ERICH3: variants seen among roughly 807,000 people sequenced by gnomAD.
The protein encoded by ERICH3 is glutamate-rich protein 3.
A neutral mutation model predicts 131.1 loss-of-function variants in ERICH3; 126 were observed. The observed-to-expected ratio is 0.96, with a 90% CI of 0.83 to 1.11. The LOEUF (loss-of-function observed/expected upper bound fraction) is 1.11, where lower values mean the gene tolerates loss of function less well. Among genes scored for constraint, ERICH3 ranks in the 50% most tolerant of loss-of-function variants. The pLI, the probability that ERICH3 is intolerant of heterozygous loss-of-function variation, is 0.00. For synonymous variants in ERICH3, 695 were observed against 644.6 expected (o/e 1.08, Z -1.18); for missense variants, 2,050 against 1,810.7 (o/e 1.13, Z -2.40).
chr1:74,664,992 T>C (rs916650877), intron 1 of ERICH3, among the ~76,000 whole-genome samples: 1 of 152,240 alleles, frequency 6.6e-6, no homozygotes, highest in Non-Finnish European at 1.5e-5. Context: ...TTAACGTCTG[T>C]ATCACCCCAA....
chr1:74,640,935 T>C (rs973138944), intron 5 of ERICH3, among the ~76,000 whole-genome samples: 2 of 152,066 alleles, frequency 1.3e-5, no homozygotes, highest in Non-Finnish European at 2.9e-5. Flanking sequence ...TTTTGCTACA[T>C]TGAAGGGTGC....
At chr1:74,673,355 G>T in intron 1 of ERICH3, 142 bp downstream of exon 1, 1 of 902,352 alleles carries the variant, frequency 1.1e-6, no homozygotes. Context: ...CTGCAACCCA[G>T]AATTCGTATA....
intron 1 of ERICH3, among the ~76,000 whole-genome samples, chr1:74,653,970 A>T (rs1304675380): frequency 6.6e-6 from 1 of 152,166 alleles, no homozygotes; most frequent in Non-Finnish European, 1.5e-5. Flanking sequence ...TGCCTTTCAA[A>T]AACACTAGTA....
intron 1 of ERICH3, among the ~76,000 whole-genome samples, chr1:74,660,345 T>C (rs753831282): frequency 1.6e-4 from 25 of 151,902 alleles, no homozygotes; most frequent in Non-Finnish European, 3.1e-4. Flanking sequence ...ATAAAATTAA[T>C]ATAATAAAAG....
At chr1:74,660,595 GTATA>G (rs35580326) in intron 1 of ERICH3, among the ~76,000 whole-genome samples, 3,019 of 143,796 alleles carry the variant, frequency 0.021, 109 homozygotes, top group African/African-American at 0.07. Flanking sequence ...ACACACAAGT[GTATA>G]TATATATATA....
intron 11 of ERICH3, among the ~76,000 whole-genome samples, chr1:74,596,943 G>T (rs1310767718): frequency 6.6e-6 from 1 of 152,038 alleles, no homozygotes; most frequent in Non-Finnish European, 1.5e-5. Context: ...AGGCTGACTT[G>T]TCACAAGAGT....
At chr1:74,653,602 G>A (rs1384108289) in intron 1 of ERICH3, among the ~76,000 whole-genome samples, 2 of 152,062 alleles carry the variant, frequency 1.3e-5, no homozygotes, top group African/African-American at 4.8e-5. Flanking sequence ...CACATACATA[G>A]TCTCATCTAG....
chr1:74,656,499 T>TCGACTTGAGTTCCAAATC (rs1646585340), intron 1 of ERICH3, among the ~76,000 whole-genome samples: 1 of 152,174 alleles, frequency 6.6e-6, no homozygotes, highest in Non-Finnish European at 1.5e-5. Context: ...GCCCTTGCCC[T>TCGACTTGAGTTCCAAATC]CGACTTGAGT....
chr1:74,637,797 G>A (rs1646403525), intron 5 of ERICH3, among the ~76,000 whole-genome samples: 1 of 152,000 alleles, frequency 6.6e-6, no homozygotes, highest in African/African-American at 2.4e-5. Context: ...ATGTGTGCCA[G>A]CTACTCAGGA....
chr1:74,596,718 C>T (rs2100572800), intron 11 of ERICH3, among the ~76,000 whole-genome samples: 1 of 152,118 alleles, frequency 6.6e-6, no homozygotes, highest in Non-Finnish European at 1.5e-5. Context: ...AATATATTTT[C>T]AACTGGTGAA....
intron 13 of ERICH3, among the ~76,000 whole-genome samples, chr1:74,574,420 A>G (rs1302844409): frequency 6.6e-6 from 1 of 152,188 alleles, no homozygotes; most frequent in African/African-American, 2.4e-5. Flanking sequence ...ATAAGCTACT[A>G]TATCTAGATT....
chr1:74,591,533 T>C (rs371863130), intron 11 of ERICH3, among the ~76,000 whole-genome samples: 1 of 151,754 alleles, frequency 6.6e-6, no homozygotes, highest in Non-Finnish European at 1.5e-5. Context: ...CTGAAAAAGG[T>C]GAAGGGAGCA....
chr1:74,633,295 A>C lies in ERICH3; in HGVS notation c.604-1367T>G, dbSNP rs1335588478. Reference sequence around the variant, plus strand: ...TAAGTGGATATTCACCAAGGAGTTTATAATTGTTAGAATGGTTGATATTGC... The same window carrying C: ...TAAGTGGATATTCACCAAGGAGTTTCTAATTGTTAGAATGGTTGATATTGC... On this transcript the variant is annotated intron_variant, in intron 6 of 14. Transcript: ENST00000326665. Among the ~76,000 whole-genome samples the C allele has an allele frequency of 2.0e-5, 3 of 152,060 alleles. No homozygotes were observed. The East Asian group carries it at 5.8e-4, about 29-fold the overall frequency.
chr1:74,580,512 A>C (rs187075956), intron 12 of ERICH3, among the ~76,000 whole-genome samples: 4 of 152,314 alleles, frequency 2.6e-5, no homozygotes, highest in African/African-American at 9.6e-5. Flanking sequence ...TCTTTTAAAA[A>C]GGAGGTATGA....
intron 3 of ERICH3, 81 bp from the exon 4 acceptor site, chr1:74,643,179 A>T (rs623171): frequency 1.0e-6 from 1 of 972,434 alleles, no homozygotes; most frequent in Non-Finnish European, 1.6e-6. Context: ...ATTCCAACAG[A>T]TAACTATATT....
intron 9 of ERICH3, among the ~76,000 whole-genome samples, chr1:74,609,694 T>C (rs1199197686): frequency 6.6e-6 from 1 of 152,052 alleles, no homozygotes; most frequent in African/African-American, 2.4e-5. Context: ...TGTTCTATTC[T>C]GGGCATTCAC....
intron 1 of ERICH3, among the ~76,000 whole-genome samples, chr1:74,665,199 C>G (rs923847087): frequency 7.0e-5 from 10 of 143,736 alleles, no homozygotes; most frequent in Middle Eastern, 3.5e-3. Context: ...GGCGACAGAG[C>G]AAGACTCCGT....
rs952432478 is a variant in ERICH3, at chr1:74,659,669, C to T, written c.24-10354G>A. On this transcript the variant is annotated intron_variant, in intron 1 of 14. Transcript: ENST00000326665. ...CACAACAGCAACTGTTTATTGTGTGCGGCATGCACAATCTCTGTTAATCTG... is the reference window on the plus strand; with the variant it reads ...CACAACAGCAACTGTTTATTGTGTGTGGCATGCACAATCTCTGTTAATCTG... 4.6e-5 allele frequency among the ~76,000 whole-genome samples: 7 copies of T among 152,246 alleles called. No homozygotes were observed. The South Asian group carries it at 1.0e-3, about 23-fold the overall frequency.
At chr1:74,668,696 T>A (rs753487628) in intron 1 of ERICH3, among the ~76,000 whole-genome samples, 1 of 152,160 alleles carries the variant, frequency 6.6e-6, no homozygotes, top group Non-Finnish European at 1.5e-5. Context: ...TACATATATA[T>A]ATTTAAAAGA....
Sources: allele counts gnomAD v4.1 joint callset (sites outside exome capture counted in the v4.1 genomes callset), GRCh38; gene constraint gnomAD v4.1.1; transcripts MANE v1.5; gene names NCBI Gene and HGNC (gene_info 2026-07-23, HGNC 2026-07-21).